FRMPD4: variants seen among roughly 807,000 people sequenced by gnomAD.
FRMPD4 encodes FERM and PDZ domain containing 4, also known as FERM and PDZ domain-containing protein 4.
In FRMPD4, 22 loss-of-function variants were observed where a neutral mutation model predicts 94.1. The ratio of observed to expected loss-of-function variants is 0.23; its 90% confidence interval spans 0.17 to 0.33. FRMPD4 has a LOEUF of 0.33. FRMPD4 is among the 10% of genes least tolerant of loss of function. The pLI, the probability that FRMPD4 is intolerant of heterozygous loss-of-function variation, is 1.00. For missense variants in FRMPD4, 1,111 were observed against 1,339.9 expected, an observed-to-expected ratio of 0.83 and a Z score of 2.67; for synonymous variants, 631 against 548.6, an observed-to-expected ratio of 1.15 and a Z score of -2.10.
chrX:12,694,343 G>A lies in FRMPD4; in HGVS notation c.822G>A (p.Gln274=). Residue 274 remains glutamine, a synonymous_variant, in exon 9 of 17, where the codon CAG becomes CAA. Coordinates refer to ENST00000675598, the MANE Select transcript of FRMPD4 (RefSeq NM_001368397.1). ...TTGGTCTACTCTTCCAGGTGACACAGAGGCCCAGCTCCCATAAGATGAGAT... is the reference window on the plus strand; with the variant it reads ...TTGGTCTACTCTTCCAGGTGACACAAAGGCCCAGCTCCCATAAGATGAGAT... ...HEQETLTQVT[Q]RPSSHKMRCL... The A allele has an allele frequency of 8.3e-7, 1 of 1,197,848 alleles. No homozygotes were observed. Among genetic ancestry groups the A allele is most frequent in the Non-Finnish European group, 1.1e-6 (1 of 882,697 alleles).
chrX:12,284,192 G>A (rs1253114217), intron 1 of FRMPD4, among the ~76,000 whole-genome samples: 1 of 111,568 alleles, frequency 9.0e-6, no homozygotes, highest in African/African-American at 3.3e-5. Flanking sequence ...AGTATAATAT[G>A]GGCCTCAAAT....
At chrX:12,308,976 G>A (rs1377732033) in intron 1 of FRMPD4, among the ~76,000 whole-genome samples, 2 of 112,588 alleles carry the variant, frequency 1.8e-5, no homozygotes, top group Non-Finnish European at 1.9e-5. Flanking sequence ...TTTTACTTAT[G>A]GCTGAGATAT....
intron 1 of FRMPD4, among the ~76,000 whole-genome samples, chrX:12,417,860 G>C (rs1187327771): frequency 9.3e-6 from 1 of 107,715 alleles, no homozygotes. Context: ...CGGGCGTGGT[G>C]GTGGGCGCCT....
chrX:12,078,150 G>A (rs2055035289), intron 3 of FRMPD4, among the ~76,000 whole-genome samples: 2 of 112,115 alleles, frequency 1.8e-5, no homozygotes, highest in Admixed American at 1.9e-4. Context: ...GATGGAGACT[G>A]TCTTCAGGTC....
At chrX:12,665,067 TG>T (rs1282765680) in intron 4 of FRMPD4, among the ~76,000 whole-genome samples, 3 of 111,574 alleles carry the variant, frequency 2.7e-5, no homozygotes, top group Non-Finnish European at 5.6e-5. Context: ...TATAATTTTT[TG>T]TTGTGTCTAT....
intron 14 of FRMPD4, among the ~76,000 whole-genome samples, chrX:12,715,165 C>G (rs917185998): frequency 8.9e-6 from 1 of 112,040 alleles, no homozygotes; most frequent in Non-Finnish European, 1.9e-5. Flanking sequence ...TGACCCAGTT[C>G]TCTGTCTTGT....
rs776311107 is a variant in FRMPD4 at position 11,880,263 on chromosome X, GATA to G, written c.95+2249_95+2251del. ...TCAGTTCCCATATCTCTAAAATGAG[GATA>G]ATACCTATTTCATCTGGTTGGGGAG... On this transcript the variant is annotated intron_variant, in intron 3 of 18. Transcript: ENST00000640291. Among the ~76,000 whole-genome samples, 4 of 111,168 alleles carry G rather than the reference GATA, an allele frequency of 3.6e-5. No individual in the cohort carries two copies. In the South Asian group the frequency reaches 1.5e-3, roughly 43 times the overall value.
chrX:12,043,734 T>A (rs765873226), intron 3 of FRMPD4, among the ~76,000 whole-genome samples: 27 of 112,317 alleles, frequency 2.4e-4, no homozygotes, highest in African/African-American at 8.7e-4. Flanking sequence ...ATTTTCTTCC[T>A]ACATCTTGAT....
intron 3 of FRMPD4, among the ~76,000 whole-genome samples, chrX:12,104,010 G>A (rs904556255): frequency 8.9e-6 from 1 of 112,010 alleles, no homozygotes; most frequent in Non-Finnish European, 1.9e-5. Context: ...CATAGTACTA[G>A]CCTCTGGTGA....
chrX:12,449,376 A>G (rs186645157), intron 1 of FRMPD4, among the ~76,000 whole-genome samples: 218 of 112,240 alleles, frequency 1.9e-3, no homozygotes, highest in Non-Finnish European at 3.4e-3. Context: ...AGACAGTAAT[A>G]TATCTCAAAT....
intron 8 of FRMPD4, among the ~76,000 whole-genome samples, chrX:12,692,819 G>T (rs1024717057): frequency 1.3e-4 from 15 of 112,367 alleles, no homozygotes; most frequent in African/African-American, 4.8e-4. Context: ...AACACACCAG[G>T]ACAAACCTTC....
At chrX:12,186,814 T>C (rs746554308) in intron 1 of FRMPD4, among the ~76,000 whole-genome samples, 2 of 112,391 alleles carry the variant, frequency 1.8e-5, no homozygotes, top group African/African-American at 3.2e-5. Context: ...TGTCTCCACT[T>C]GCACCATTGT....
chrX:12,412,894 G>T (rs1342419244), intron 1 of FRMPD4, among the ~76,000 whole-genome samples: 3 of 111,857 alleles, frequency 2.7e-5, no homozygotes, highest in Non-Finnish European at 5.6e-5. Context: ...AAGGGTCCTG[G>T]TAGCAGGACA....
intron 1 of FRMPD4, among the ~76,000 whole-genome samples, chrX:12,189,754 TAAA>T (rs1224059542): frequency 9.0e-6 from 1 of 111,340 alleles, no homozygotes; most frequent in Non-Finnish European, 1.9e-5. Flanking sequence ...AGAATGCACA[TAAA>T]AAACGTACAG....
chrX:12,158,389 A>G (rs1369007925), intron 1 of FRMPD4, among the ~76,000 whole-genome samples: 2 of 112,053 alleles, frequency 1.8e-5, no homozygotes, highest in East Asian at 5.6e-4. Flanking sequence ...TACACCAGTA[A>G]CACTTCTTAT....
At chrX:12,317,741 A>C (rs993646274) in intron 1 of FRMPD4, among the ~76,000 whole-genome samples, 3 of 111,905 alleles carry the variant, frequency 2.7e-5, no homozygotes, top group Non-Finnish European at 5.6e-5. Context: ...AGGAAATGCA[A>C]ATCAAAAATA....
intron 1 of FRMPD4, among the ~76,000 whole-genome samples, chrX:12,362,772 A>T (rs2056014899): frequency 8.9e-6 from 1 of 111,986 alleles, no homozygotes; most frequent in Non-Finnish European, 1.9e-5. Flanking sequence ...ATCCTTGACG[A>T]ATCGCCACAC....
chrX:12,172,273 A>G (rs1308899216), intron 1 of FRMPD4, among the ~76,000 whole-genome samples: 4 of 109,312 alleles, frequency 3.7e-5, no homozygotes, highest in South Asian at 4.0e-4. Context: ...AAAAAAAAAA[A>G]GGGATAAGGA....
chrX:11,955,753 A>C (rs764683635), intron 3 of FRMPD4, among the ~76,000 whole-genome samples: 6 of 109,854 alleles, frequency 5.5e-5, no homozygotes, highest in Admixed American at 9.7e-5. Flanking sequence ...AAAAGAAAAA[A>C]AAAAAAAAAA....
Sources: gnomAD v4.1 joint callset for allele counts (sites outside exome capture counted in the v4.1 genomes callset) on GRCh38, gnomAD v4.1.1 for gene constraint, MANE v1.5 for transcripts, NCBI Gene and HGNC (gene_info 2026-07-23, HGNC 2026-07-21) for gene names.